The following TBC1D10A variants were observed in gnomAD, a reference collection of about 807,000 sequenced individuals.
The protein encoded by TBC1D10A is EBP50-PDX interactor of 64 kDa.
In TBC1D10A, 24 loss-of-function variants were observed where a neutral mutation model predicts 52.9. The ratio of observed to expected loss-of-function variants is 0.45; its 90% CI spans 0.33 to 0.64. TBC1D10A has a LOEUF of 0.64. Ranked by LOEUF, TBC1D10A falls within the 30% of genes least tolerant of loss-of-function variation. The probability of loss-of-function intolerance (pLI) is 0.02; values close to 1 mark genes in which losing one functional copy is unlikely to be tolerated. For missense variants in TBC1D10A, 602 were observed against 687.9 expected, an observed-to-expected ratio of 0.88 and a Z score of 1.40; for synonymous variants, 278 against 282.9, an observed-to-expected ratio of 0.98 and a Z score of 0.17.
intron 1 of TBC1D10A, among the ~76,000 whole-genome samples, chr22:30,322,523 T>C (rs1275153451): frequency 6.7e-6 from 1 of 148,468 alleles, no homozygotes; most frequent in Non-Finnish European, 1.5e-5. Context: ...GAATCAGGAA[T>C]TCCAGGTTTC....
chr22:30,293,854 C>G (rs372654915), intron 7 of TBC1D10A, 49 bp from the exon 8 acceptor site: 297 of 1,601,648 alleles, frequency 1.9e-4, no homozygotes, highest in Middle Eastern at 6.6e-4. Context: ...TGGGGTTTCT[C>G]TGCAAAGAGA....
chr22:30,300,493 G>A (rs1930181252), intron 2 of TBC1D10A: 2 of 152,052 alleles, frequency 1.3e-5, no homozygotes, highest in Non-Finnish European at 2.9e-5. Context: ...TACAAGTTGG[G>A]TGAACCCCAT....
At chr22:30,301,295 A>G (rs1338876708) in intron 2 of TBC1D10A, among the ~76,000 whole-genome samples, 1 of 152,146 alleles carries the variant, frequency 6.6e-6, no homozygotes, top group Admixed American at 6.5e-5. Context: ...GAGGGGTGAG[A>G]TGGCCAATGA....
At chr22:30,293,828 G>GTA (rs753348890) in intron 7 of TBC1D10A, 23 bp from the exon 8 acceptor site, 12 of 1,604,016 alleles carry the variant, frequency 7.5e-6, no homozygotes, top group Non-Finnish European at 1.0e-5. Flanking sequence ...TGGGCAGTAA[G>GTA]TACAAGGAAG....
intron 1 of TBC1D10A, among the ~76,000 whole-genome samples, chr22:30,323,552 A>G (rs1930702506): frequency 6.6e-6 from 1 of 152,170 alleles, no homozygotes. Context: ...GGAGTCAGAA[A>G]CCCTAAGTCC....
intron 2 of TBC1D10A, 186 bp from the exon 3 acceptor site, chr22:30,299,737 C>T (rs527444927): frequency 6.5e-5 from 31 of 476,474 alleles, no homozygotes; most frequent in Admixed American, 1.7e-4. Flanking sequence ...GAGGCCGAGG[C>T]GGGTGGATCA....
At chr22:30,310,644 G>A (rs768565428) in intron 1 of TBC1D10A, among the ~76,000 whole-genome samples, 2 of 152,086 alleles carry the variant, frequency 1.3e-5, no homozygotes, top group Non-Finnish European at 2.9e-5. Context: ...ACTTTCATGC[G>A]CTGGCCGTGT....
rs997926975 is a variant in TBC1D10A, at chr22:30,305,214, A to G, written c.210-584T>C. Among the ~76,000 whole-genome samples the G allele has an allele frequency of 3.9e-5, 6 of 152,104 alleles. No individual in the cohort carries two copies. In the East Asian group the frequency reaches 1.2e-3, roughly 29 times the overall value. ...CACACACTTCAAAGCCCCATCAAAT[A>G]CCACTTCTTCTATCTGTAGATCTAC... is the stretch of plus-strand genomic sequence containing the variant. On this transcript the variant is annotated intron_variant, in intron 1 of 8. Transcript: ENST00000215790.
intron 1 of TBC1D10A, 68 bp from the exon 2 acceptor site, chr22:30,304,698 C>A: frequency 6.3e-7 from 1 of 1,579,196 alleles, no homozygotes. Flanking sequence ...TCATTCCCAG[C>A]CGCCAGCCTG....
At chr22:30,309,621 G>A (rs1478690938) in intron 1 of TBC1D10A, among the ~76,000 whole-genome samples, 1 of 152,194 alleles carries the variant, frequency 6.6e-6, no homozygotes, top group Non-Finnish European at 1.5e-5. Flanking sequence ...TCAGGCTCCT[G>A]GACTGGAACA....
At chr22:30,325,315 G>A (rs921767270) in intron 1 of TBC1D10A, among the ~76,000 whole-genome samples, 1 of 152,262 alleles carries the variant, frequency 6.6e-6, no homozygotes, top group Admixed American at 6.5e-5. Context: ...TGAATAAGAG[G>A]CTTTAGGGCT....
At chr22:30,295,116 C>T in intron 4 of TBC1D10A, 61 bp from the exon 5 acceptor site, 1 of 1,542,848 alleles carries the variant, frequency 6.5e-7, no homozygotes, top group East Asian at 2.3e-5. Context: ...ACGGCCTTCA[C>T]CTATGCCCCA....
At chr22:30,319,942 T>C (rs1307009008) in intron 1 of TBC1D10A, among the ~76,000 whole-genome samples, 1 of 152,162 alleles carries the variant, frequency 6.6e-6, no homozygotes, top group Non-Finnish European at 1.5e-5. Context: ...TTACCTCGAC[T>C]GAGGAAGAGA....
intron 3 of TBC1D10A, 74 bp downstream of exon 3, chr22:30,299,370 A>G (rs891503954): frequency 6.9e-7 from 1 of 1,446,120 alleles, no homozygotes; most frequent in African/African-American, 1.4e-5. Context: ...AGGTGAGCAC[A>G]TGGAGGATTG....
intron 1 of TBC1D10A, among the ~76,000 whole-genome samples, chr22:30,320,909 C>T (rs996167065): frequency 6.6e-6 from 1 of 152,228 alleles, no homozygotes; most frequent in Non-Finnish European, 1.5e-5. Context: ...CAGATTCTGG[C>T]GCTTGTGTGA....
At chr22:30,295,918 G>A (rs1454118306) in intron 3 of TBC1D10A, 75 bp from the exon 4 acceptor site, 3 of 1,360,740 alleles carry the variant, frequency 2.2e-6, no homozygotes, top group Non-Finnish European at 3.0e-6. Flanking sequence ...GCTGCCCAGG[G>A]ATTAGGGGAG....
At chr22:30,298,371 C>T (rs1317180661) in intron 3 of TBC1D10A, 1 of 152,252 alleles carries the variant, frequency 6.6e-6, no homozygotes, top group Admixed American at 6.5e-5. Context: ...CAGCCAGATT[C>T]AGACCTACCC....
chr22:30,304,462 T>C, intron 2 of TBC1D10A, 69 bp downstream of exon 2: 4 of 1,604,320 alleles, frequency 2.5e-6, no homozygotes, highest in Non-Finnish European at 3.4e-6. Context: ...GCTGATGAAG[T>C]TCCTCCCTCT....
At chr22:30,294,890 C>A (rs1175108958) in intron 5 of TBC1D10A, 29 bp from the exon 6 acceptor site, 1 of 1,614,090 alleles carries the variant, frequency 6.2e-7, no homozygotes, top group South Asian at 1.1e-5. Context: ...TGAGGCCTTG[C>A]CGTTGGGGGT....
Sources: allele counts gnomAD v4.1 joint callset (sites outside exome capture counted in the v4.1 genomes callset), GRCh38; gene constraint gnomAD v4.1.1; transcripts MANE v1.5; gene names NCBI Gene and HGNC (gene_info 2026-07-23, HGNC 2026-07-21).